Variants in UBE2G1 observed in about 807,000 individuals in gnomAD.
UBE2G1 encodes the protein ubiquitin-conjugating enzyme E2 G1.
UBE2G1 carries 5 observed loss-of-function variants against 22.7 expected under a neutral mutation model. The ratio of observed to expected loss-of-function variants is 0.22; its 90% CI spans 0.12 to 0.46. The LOEUF (loss-of-function observed/expected upper bound fraction) is 0.46, where lower values mean the gene tolerates loss of function less well. Ranked by LOEUF, UBE2G1 falls within the 20% of genes least tolerant of loss-of-function variation. UBE2G1 has a pLI of 0.99. For synonymous variants in UBE2G1, 74 were observed against 67.5 expected, an observed-to-expected ratio of 1.10 and a Z score of -0.47; for missense variants, 88 against 203.9, an observed-to-expected ratio of 0.43 and a Z score of 3.46.
At chr17:4,314,854 A>G (rs142096305) in intron 1 of UBE2G1, among the ~76,000 whole-genome samples, 23 of 152,362 alleles carry the variant, frequency 1.5e-4, no homozygotes, top group Admixed American at 3.9e-4. Context: ...ACAATTAGCA[A>G]GATCTACTCT....
chr17:4,304,056 C>T (rs1274526350), intron 2 of UBE2G1, among the ~76,000 whole-genome samples: 1 of 152,192 alleles, frequency 6.6e-6, no homozygotes, highest in Admixed American at 6.5e-5. Flanking sequence ...CAGGGTCTAG[C>T]TCTGTTGCCC....
chr17:4,275,929 A>C (rs1183337235), intron 5 of UBE2G1, among the ~76,000 whole-genome samples: 3 of 152,068 alleles, frequency 2.0e-5, no homozygotes, highest in African/African-American at 7.2e-5. Context: ...TAGCTCTAAC[A>C]CCAACTTCCT....
intron 1 of UBE2G1, among the ~76,000 whole-genome samples, chr17:4,312,613 G>A (rs1159177171): frequency 4.0e-5 from 6 of 149,062 alleles, no homozygotes; most frequent in South Asian, 2.1e-4. Context: ...GGAAAATGGC[G>A]TGAACCTGGG....
At chr17:4,351,682 C>T (rs1969846038) in intron 1 of UBE2G1, among the ~76,000 whole-genome samples, 1 of 151,998 alleles carries the variant, frequency 6.6e-6, no homozygotes, top group African/African-American at 2.4e-5. Context: ...TTAGCACAGC[C>T]TAAAGTACTA....
chr17:4,332,747 T>C (rs1370779211), intron 1 of UBE2G1, among the ~76,000 whole-genome samples: 1 of 152,194 alleles, frequency 6.6e-6, no homozygotes, highest in African/African-American at 2.4e-5. Flanking sequence ...CCCTCCAGCG[T>C]TCAGGTCAGC....
intron 1 of UBE2G1, among the ~76,000 whole-genome samples, chr17:4,343,792 T>TTTAATTAGA (rs780924942): frequency 3.2e-3 from 489 of 152,058 alleles, no homozygotes; most frequent in Non-Finnish European, 6.0e-3. Context: ...GTTTCACTTG[T>TTTAATTAGA]TTGCCAGGAT....
intron 1 of UBE2G1, among the ~76,000 whole-genome samples, chr17:4,358,728 G>C (rs1422838849): frequency 2.0e-5 from 3 of 152,138 alleles, no homozygotes; most frequent in Non-Finnish European, 2.9e-5. Flanking sequence ...GAAGCAGGTG[G>C]ATCACCTGAG....
At chr17:4,350,814 C>T (rs556801276) in intron 1 of UBE2G1, among the ~76,000 whole-genome samples, 2 of 151,908 alleles carry the variant, frequency 1.3e-5, no homozygotes, top group African/African-American at 2.4e-5. Context: ...GGGCAGATCA[C>T]GAGGTCAGGA....
At chr17:4,307,849 CAA>C (rs745785005) in intron 1 of UBE2G1, among the ~76,000 whole-genome samples, 3 of 152,094 alleles carry the variant, frequency 2.0e-5, no homozygotes, top group African/African-American at 7.2e-5. Flanking sequence ...GGGTGGGAAA[CAA>C]GAGAGGCGAG....
intron 4 of UBE2G1, among the ~76,000 whole-genome samples, chr17:4,284,605 A>C (rs1968936255): frequency 1.3e-5 from 2 of 151,860 alleles, no homozygotes; most frequent in South Asian, 4.1e-4. Flanking sequence ...TGTCTCAAAA[A>C]AAAAACAAAA....
chr17:4,299,847 G>A (rs1390660573), intron 2 of UBE2G1, among the ~76,000 whole-genome samples: 1 of 135,178 alleles, frequency 7.4e-6, no homozygotes, highest in East Asian at 2.2e-4. Context: ...TTTTTTTGGA[G>A]ATGGAGTCTT....
At chr17:4,360,091 A>G (rs1474199869) in intron 1 of UBE2G1, among the ~76,000 whole-genome samples, 1 of 152,168 alleles carries the variant, frequency 6.6e-6, no homozygotes, top group African/African-American at 2.4e-5. Context: ...CTGAAATGCT[A>G]TTAACCATAT....
intron 2 of UBE2G1, chr17:4,302,643 A>G (rs2143723324): frequency 3.0e-6 from 1 of 334,736 alleles, no homozygotes; most frequent in Non-Finnish European, 6.0e-6. Flanking sequence ...GCCCAGGGTG[A>G]GAACCTAAAT....
chr17:4,274,927 T>TGTAGTCCCAGCTACTCAAGAGGCTGAG (rs61291097), intron 5 of UBE2G1, among the ~76,000 whole-genome samples: 2 of 151,810 alleles, frequency 1.3e-5, no homozygotes, highest in African/African-American at 2.4e-5. Flanking sequence ...GGCACATGCC[T>TGTAGTCCCAGCTACTCAAGAGGCTGAG]GTGGGAGGAC....
At chr17:4,365,374 C>G (rs971187186) in intron 1 of UBE2G1, among the ~76,000 whole-genome samples, 5 of 152,244 alleles carry the variant, frequency 3.3e-5, no homozygotes, top group African/African-American at 9.6e-5. Flanking sequence ...GCACACAGTC[C>G]TAGCAGAGTA....
intron 1 of UBE2G1, among the ~76,000 whole-genome samples, chr17:4,323,306 C>G (rs1969465035): frequency 1.3e-5 from 2 of 152,094 alleles, no homozygotes; most frequent in African/African-American, 4.8e-5. Flanking sequence ...TAAGAGCAAC[C>G]TGTAAAACAA....
rs573880558 is a variant in UBE2G1, at chr17:4,362,082, A to G, written c.46+4189T>C. On this transcript the variant is annotated intron_variant, in intron 1 of 5. Transcript: ENST00000396981. Reference sequence around the variant, plus strand: ...CTCTTTGCATTTTTAACCAATGCTTATAATACCTTTTCAAAAGATAAAATG... The same window carrying G: ...CTCTTTGCATTTTTAACCAATGCTTGTAATACCTTTTCAAAAGATAAAATG... Among the ~76,000 whole-genome samples the G allele has an allele frequency of 2.0e-5, 3 of 152,180 alleles. No homozygotes were observed. The South Asian group carries it at 6.2e-4, about 32-fold the overall frequency.
rs571989733 is a variant in UBE2G1 at position 4,270,217 on chromosome 17, T to G, written c.*2337A>C. 6.6e-6 allele frequency: 1 copy of G among 152,668 alleles called. No individual in the cohort carries two copies. The highest frequency in any genetic ancestry group is 1.5e-5 in the Non-Finnish European group (1 of 68,018). 9.5% of individuals were successfully genotyped at this position (152,668 alleles called of 1,614,324 possible). A position where few individuals can be genotyped will look rare whatever the true frequency, so the allele number is the denominator to read the frequency against. ...AAGTTCAAAAATAGTTGTCCCTGAG[T>G]TACTAGGTCATTTGCTGCTTGCTGA... On this transcript the variant is annotated 3_prime_UTR_variant, in exon 6 of 6. Transcript: ENST00000396981.
intron 1 of UBE2G1, among the ~76,000 whole-genome samples, chr17:4,360,880 A>G (rs2143834493): frequency 6.6e-6 from 1 of 151,384 alleles, no homozygotes; most frequent in East Asian, 2.0e-4. Flanking sequence ...CCATTGCACT[A>G]CAGCCTGGGC....
Sources: gnomAD v4.1 joint callset for allele counts (sites outside exome capture counted in the v4.1 genomes callset) on GRCh38, gnomAD v4.1.1 for gene constraint, MANE v1.5 for transcripts, NCBI Gene and HGNC (gene_info 2026-07-23, HGNC 2026-07-21) for gene names.